The following EDC4 variants were observed in gnomAD, a reference collection of about 807,000 sequenced individuals.
The protein encoded by EDC4 is enhancer of mRNA-decapping protein 4.
EDC4 carries 64 observed loss-of-function variants against 155.8 expected under a neutral mutation model. The ratio of observed to expected loss-of-function variants is 0.41; its 90% CI spans 0.34 to 0.51. The LOEUF is 0.51. Among genes scored for constraint, EDC4 ranks in the 20% least tolerant of loss-of-function variants. The pLI is 0.19. For synonymous variants in EDC4, 684 were observed against 716.8 expected (o/e 0.95, Z 0.73); for missense variants, 1,303 against 1,812.5 (o/e 0.72, Z 5.10).
rs2058062097 is a variant in EDC4 at position 67,880,458 on chromosome 16, CCTGTCTCT to C, written c.2098-97_2098-90del. 4.7e-6 allele frequency: 7 copies of C among 1,483,536 alleles called. No homozygotes were observed. Among genetic ancestry groups the C allele is most frequent in the Non-Finnish European group, 5.5e-6 (6 of 1,091,384 alleles). 91.9% of individuals were successfully genotyped at this position (1,483,536 alleles called of 1,614,324 possible). A position where few individuals can be genotyped will look rare whatever the true frequency, so the allele number is the denominator to read the frequency against. On this transcript the variant is annotated intron_variant, in intron 17 of 28. Coordinates refer to ENST00000358933, the MANE Select transcript of EDC4 (RefSeq NM_014329.5). The surrounding 1 kb of genome is among the most constrained non-coding windows in gnomAD (Gnocchi z 5.2). ...ACCTGTATCCCCACTTCCCTGCTGC[CCTGTCTCT>C]CATTACTGCTAATACTAATGCCTCG...
chr16:67,873,506 C>T, intron 1 of EDC4, 163 bp downstream of exon 1: 1 of 516,548 alleles, frequency 1.9e-6, no homozygotes, highest in Non-Finnish European at 3.3e-6. Flanking sequence ...GCGCAGACCC[C>T]TGGGTGTGAC....
Position 67,879,022 on chromosome 16 carries a change from G to T in EDC4, c.1353G>T (p.Ser451=), listed in dbSNP as rs371978678. The part of the protein sequence containing the change: ...EEGHACFSSI[S]EFLLTHPVLS... ...GCCACGCCTGCTTCAGCTCCATCTC[G>T]GAGTTCCTGCTCACCCACCCTGTGC... is the stretch of plus-strand genomic sequence containing the variant. The change falls in exon 12 of 29, where the codon TCG becomes TCT. Residue 451 remains serine, a synonymous_variant. Coordinates refer to ENST00000358933, the MANE Select transcript of EDC4 (RefSeq NM_014329.5). The surrounding 1 kb of genome is among the most constrained non-coding windows in gnomAD (Gnocchi z 6.0). The T allele has an allele frequency of 1.9e-6, 3 of 1,612,478 alleles. No individual in the cohort carries two copies. In the South Asian group the frequency reaches 3.3e-5, roughly 18 times the overall value.
chr16:67,878,172 A>G lies in EDC4; in HGVS notation c.901A>G (p.Ser301Gly), dbSNP rs2058049757. The G allele has an allele frequency of 6.2e-7, 1 of 1,614,012 alleles. No individual in the cohort carries two copies. Among genetic ancestry groups the G allele is most frequent in the African/African-American group, 1.3e-5 (1 of 74,886 alleles). Reference protein sequence around the residue: ...IVVKGHSTCLSEGALSPDGTV... With the variant: ...IVVKGHSTCLGEGALSPDGTV... ...CTTTTTGGGTTCTTTCTAGTGCCTCAGTGAAGGAGCCCTCTCTCCTGATGG... is the reference window on the plus strand; with the variant it reads ...CTTTTTGGGTTCTTTCTAGTGCCTCGGTGAAGGAGCCCTCTCTCCTGATGG... Residue 301 changes from serine to glycine, a missense_variant, in exon 8 of 29, where the codon AGT (serine) becomes GGT (glycine). Ser to Gly is a moderately conservative substitution (Grantham distance 56, BLOSUM62 0). Coordinates refer to ENST00000358933, the MANE Select transcript of EDC4 (RefSeq NM_014329.5). The surrounding 1 kb of genome is among the most constrained non-coding windows in gnomAD (Gnocchi z 5.2).
Position 67,876,076 on chromosome 16 carries a change from A to T in EDC4, c.214A>T (p.Ile72Phe). 1 of 1,614,146 alleles carries T rather than the reference A, an allele frequency of 6.2e-7. No individual in the cohort carries two copies. Residue 72 changes from isoleucine (I) to phenylalanine (F), a missense_variant, in exon 2 of 29, where the codon ATT (isoleucine) becomes TTT (phenylalanine). By Grantham distance (21) the Ile-to-Phe change is conservative. Coordinates refer to ENST00000358933, the MANE Select transcript of EDC4 (RefSeq NM_014329.5). This position sits in a 1 kb window ranked among gnomAD's most constrained non-coding sequence, Gnocchi z 5.8. ...NKTGLRTMPP[I>F]NLQEKQVICL... ...GACTGGTCTTCGGACCATGCCACCC[A>T]TTAACCTGCAAGAGAAGCAGGTCAT...
In EDC4 at chr16:67,880,642, G is replaced by A. The variant is rs752126842; in HGVS notation, c.2183G>A (p.Arg728His). 6 of 1,614,126 alleles carry A rather than the reference G, an allele frequency of 3.7e-6. No homozygotes were observed. The highest frequency in any genetic ancestry group is 1.3e-5 in the African/African-American group (1 of 75,038). ...CCCCAAGCCTCCCCTAGCCGCACTC[G>A]TTCCCCTGATGTCATCTCCTCAGCT... is the stretch of plus-strand genomic sequence containing the variant. ...GLPQASPSRT[R>H]SPDVISSAST... Residue 728 changes from arginine to histidine, a missense_variant, in exon 18 of 29, where the codon CGT becomes CAT. Coordinates refer to ENST00000358933, the MANE Select transcript of EDC4 (RefSeq NM_014329.5). The surrounding 1 kb of genome is among the most constrained non-coding windows in gnomAD (Gnocchi z 5.2).
rs1460826705 is a variant in EDC4, at chr16:67,881,570, C to T, written c.2826+37C>T. ...AGCCCACTTTGTACTTGTGGAACTT[C>T]ACCCTGGGCGGGTGGAGAAGGGCTC... On this transcript the variant is annotated intron_variant, in intron 21 of 28. Transcript: ENST00000358933. This position sits in a 1 kb window ranked among gnomAD's most constrained non-coding sequence, Gnocchi z 5.4. The T allele has an allele frequency of 1.4e-5, 22 of 1,613,512 alleles. No homozygotes were observed. The highest frequency in any genetic ancestry group is 1.9e-5 in the Non-Finnish European group (22 of 1,179,968).
Position 67,881,577 on chromosome 16 carries a change from G to A in EDC4, c.2826+44G>A. On this transcript the variant is annotated intron_variant, in intron 21 of 28. Transcript: ENST00000358933. This position sits in a 1 kb window ranked among gnomAD's most constrained non-coding sequence, Gnocchi z 5.4. The stretch of plus-strand genomic sequence containing the variant: ...TTTGTACTTGTGGAACTTCACCCTG[G>A]GCGGGTGGAGAAGGGCTCTGGGCCA... 2 of 1,613,466 alleles carry A rather than the reference G, an allele frequency of 1.2e-6. No individual in the cohort carries two copies. Among genetic ancestry groups the A allele is most frequent in the South Asian group, 1.1e-5 (1 of 91,078 alleles).
At position 67,882,446 on chromosome 16, in the gene EDC4, C is replaced by G; in HGVS notation, c.3294C>G (p.Ile1098Met). 1 of 1,613,772 alleles carries G rather than the reference C, an allele frequency of 6.2e-7. No homozygotes were observed. Among genetic ancestry groups the G allele is most frequent in the Non-Finnish European group, 8.5e-7 (1 of 1,179,648 alleles). The change falls in exon 25 of 29, where the codon ATC (isoleucine) becomes ATG (methionine). Residue 1098 changes from isoleucine to methionine, a missense_variant. Ile to Met is a conservative substitution (Grantham distance 10). Transcript: ENST00000358933. The surrounding 1 kb of genome is among the most constrained non-coding windows in gnomAD (Gnocchi z 7.2). ...LLKSKNLTDA[I>M]ARAAADTLQG... ...AACCCCAGAACTTGACTGATGCCAT[C>G]GCCCGAGCAGCTGCAGACACATTAC...
In EDC4 at chr16:67,881,545, A is replaced by C. The variant is rs1399436495; in HGVS notation, c.2826+12A>C. 1 of 1,613,832 alleles carries C rather than the reference A, an allele frequency of 6.2e-7. No homozygotes were observed. The highest frequency in any genetic ancestry group is 2.2e-5 in the East Asian group (1 of 44,882). ...TCACAGAGCACCAGGTAAGTGAATG[A>C]GCCCACTTTGTACTTGTGGAACTTC... On this transcript the variant is annotated intron_variant, in intron 21 of 28. Transcript: ENST00000358933. The surrounding 1 kb of genome is among the most constrained non-coding windows in gnomAD (Gnocchi z 5.4).
chr16:67,879,601 C>G lies in EDC4; in HGVS notation c.1648C>G (p.Arg550Gly). The G allele has an allele frequency of 6.2e-7, 1 of 1,614,104 alleles. No homozygotes were observed. The highest frequency in any genetic ancestry group is 1.1e-5 in the South Asian group (1 of 91,084). Reference sequence around the variant, plus strand: ...TTGCCCTGCAGCATTTGGAGAGTCTCGGCCCGAACTGGGCTCTGAGGGCCT... The same window carrying G: ...TTGCCCTGCAGCATTTGGAGAGTCTGGGCCCGAACTGGGCTCTGAGGGCCT... ...AHEDFTFGESRPELGSEGLGS... is the reference protein window; with the variant it reads ...AHEDFTFGESGPELGSEGLGS... Residue 550 changes from arginine to glycine, a missense_variant, in exon 15 of 29, where the codon CGG becomes GGG. Arg to Gly is a moderately radical substitution (Grantham distance 125, BLOSUM62 -2). This residue lies in a region of EDC4 where 391 missense variants were observed against 445.4 expected (regional missense o/e 0.88). Coordinates refer to ENST00000358933, the MANE Select transcript of EDC4 (RefSeq NM_014329.5). The surrounding 1 kb of genome is among the most constrained non-coding windows in gnomAD (Gnocchi z 6.0).
Position 67,882,788 on chromosome 16 carries a change from C to G in EDC4, c.3552C>G (p.Ala1184=). ...LRGLVSTLQS[A]TEQMAATVAG... is the part of the protein sequence containing the mutation. Reference sequence around the variant, plus strand: ...GCCTGGTCAGCACACTGCAGAGTGCCACTGAGCAGATGGCAGCCACCGTGG... The same window carrying G: ...GCCTGGTCAGCACACTGCAGAGTGCGACTGAGCAGATGGCAGCCACCGTGG... Residue 1184 remains alanine, a synonymous_variant, in exon 26 of 29, where the codon GCC becomes GCG. Coordinates refer to ENST00000358933, the MANE Select transcript of EDC4 (RefSeq NM_014329.5). This position sits in a 1 kb window ranked among gnomAD's most constrained non-coding sequence, Gnocchi z 7.2. 2.5e-6 allele frequency: 4 copies of G among 1,614,194 alleles called. No homozygotes were observed. The highest frequency in any genetic ancestry group is 3.4e-6 in the Non-Finnish European group (4 of 1,180,038).
rs200924938 is a variant in EDC4, at chr16:67,882,740, G to A, written c.3504G>A (p.Glu1168=). 4.0e-5 allele frequency: 64 copies of A among 1,614,260 alleles called. 1 individual carries two copies. The highest frequency in any genetic ancestry group is 2.5e-5 in the Non-Finnish European group (30 of 1,180,046). ...AGGCACGGGAACAGGAGGCCAGGGAGCCTGTGCTAGCCCAGCTGCGGGGCC... is the reference window on the plus strand; with the variant it reads ...AGGCACGGGAACAGGAGGCCAGGGAACCTGTGCTAGCCCAGCTGCGGGGCC... ...SRKAREQEAR[E]PVLAQLRGLV... Residue 1168 remains glutamate, a synonymous_variant, in exon 26 of 29, where the codon GAG becomes GAA. Transcript: ENST00000358933. This position sits in a 1 kb window ranked among gnomAD's most constrained non-coding sequence, Gnocchi z 7.2.
rs1424224722 is a variant in EDC4, at chr16:67,880,916, C to T, written c.2457C>T (p.Ala819=). 1 of 1,614,084 alleles carries T rather than the reference C, an allele frequency of 6.2e-7. No individual in the cohort carries two copies. The highest frequency in any genetic ancestry group is 1.1e-5 in the South Asian group (1 of 91,090). The change falls in exon 18 of 29, where the codon GCC becomes GCT. Residue 819 remains alanine (A), a synonymous_variant. Coordinates refer to ENST00000358933, the MANE Select transcript of EDC4 (RefSeq NM_014329.5). The surrounding 1 kb of genome is among the most constrained non-coding windows in gnomAD (Gnocchi z 5.2). ...SLLEAALTQE[A]STPDSQVWPT... ...TGGAGGCAGCCTTGACCCAGGAGGC[C>T]TCGACTCCTGACAGTCAGGTTTGGC...
At position 67,878,591 on chromosome 16, in the gene EDC4, A is replaced by G. The variant is rs1380030280; in HGVS notation, c.1144A>G (p.Met382Val). The G allele has an allele frequency of 1.2e-6, 2 of 1,614,114 alleles. No homozygotes were observed. The highest frequency in any genetic ancestry group is 8.5e-7 in the Non-Finnish European group (1 of 1,180,020). Residue 382 changes from methionine (M) to valine (V), a missense_variant, in exon 10 of 29, where the codon ATG becomes GTG. This residue lies in a region of EDC4 where 235 missense variants were observed against 367.7 expected (regional missense o/e 0.64). Coordinates refer to ENST00000358933, the MANE Select transcript of EDC4 (RefSeq NM_014329.5). The surrounding 1 kb of genome is among the most constrained non-coding windows in gnomAD (Gnocchi z 5.2). ...TGCTGACCAGAACCGAGAGTTAAAG[A>G]TGTGGTGTACAGTATCCTGGACCTG... ...TGADQNRELK[M>V]WCTVSWTCLQ...
In EDC4 at chr16:67,883,412, T is replaced by G; in HGVS notation, c.3850-156T>G. ...CTCAGGAACCCATTTCCCAATCCCC[T>G]AGGGTAACTACACAGCCCTACAGGC... On this transcript the variant is annotated intron_variant, in intron 27 of 28. Coordinates refer to ENST00000358933, the MANE Select transcript of EDC4 (RefSeq NM_014329.5). The surrounding 1 kb of genome is among the most constrained non-coding windows in gnomAD (Gnocchi z 5.3). 7.6e-7 allele frequency: 1 copy of G among 1,322,954 alleles called. No individual in the cohort carries two copies. Among genetic ancestry groups the G allele is most frequent in the Non-Finnish European group, 1.0e-6 (1 of 963,826 alleles). 82.0% of individuals were successfully genotyped at this position (1,322,954 alleles called of 1,614,324 possible).
Position 67,878,228 on chromosome 16 carries a change from C to G in EDC4, c.957C>G (p.Gly319=), listed in dbSNP as rs780411739. 2 of 1,614,028 alleles carry G rather than the reference C, an allele frequency of 1.2e-6. No individual in the cohort carries two copies. The highest frequency in any genetic ancestry group is 1.7e-6 in the Non-Finnish European group (2 of 1,180,012). ...TGCTGGCTACTGCGAGCCACGATGG[C>G]TATGTCAAGTTCTGGCAGATCTACA... The part of the protein sequence containing the change: ...GTVLATASHD[G]YVKFWQIYIE... The change falls in exon 8 of 29, where the codon GGC becomes GGG. Residue 319 remains glycine (G), a synonymous_variant. Coordinates refer to ENST00000358933, the MANE Select transcript of EDC4 (RefSeq NM_014329.5). This position sits in a 1 kb window ranked among gnomAD's most constrained non-coding sequence, Gnocchi z 5.2.
rs1278669455 is a variant in EDC4 at position 67,873,177 on chromosome 16, G to T, written c.-85G>T. On this transcript the variant is annotated 5_prime_UTR_variant, in exon 1 of 29. Transcript: ENST00000358933. ...GTAGTGACCGGCGTCCCGCTGTCTC[G>T]CCCCGTGGCGGGTGAGCGAGGGTGC... 9 of 1,078,560 alleles carry T rather than the reference G, an allele frequency of 8.3e-6. No individual in the cohort carries two copies. Among genetic ancestry groups the T allele is most frequent in the Admixed American group, 4.2e-5 (1 of 23,754 alleles). The allele number at this position is 1,078,560 out of a possible 1,614,324, so 66.8% of individuals were successfully genotyped here. A position where few individuals can be genotyped will look rare whatever the true frequency, so the allele number is the denominator to read the frequency against.
In EDC4 at chr16:67,878,326, C is replaced by CG. The variant is rs2058050448; in HGVS notation, c.1005-34_1005-33insG. On this transcript the variant is annotated intron_variant, in intron 8 of 28. Coordinates refer to ENST00000358933, the MANE Select transcript of EDC4 (RefSeq NM_014329.5). This position sits in a 1 kb window ranked among gnomAD's most constrained non-coding sequence, Gnocchi z 5.2. ...ATCCTCCCGAGGTAGCCCACCCGACCACTCACTCAGGCCCCTCATCTGCCT... is the reference window on the plus strand; with the variant it reads ...ATCCTCCCGAGGTAGCCCACCCGACCGACTCACTCAGGCCCCTCATCTGCCT... 1 of 1,614,084 alleles carries CG rather than the reference C, an allele frequency of 6.2e-7. No homozygotes were observed. The highest frequency in any genetic ancestry group is 1.3e-5 in the African/African-American group (1 of 74,918).
At position 67,881,778 on chromosome 16, in the gene EDC4, C is replaced by G; in HGVS notation, c.2937C>G (p.Leu979=). ...EELLQRLCTQ[L]EGLQSTVTGH... is the part of the protein sequence containing the mutation. ...TGCTGCAGCGTCTGTGTACCCAACT[C>G]GAAGGCCTGCAGAGCACAGTCACAG... Residue 979 remains leucine, a synonymous_variant, in exon 22 of 29, where the codon CTC becomes CTG. Transcript: ENST00000358933. The surrounding 1 kb of genome is among the most constrained non-coding windows in gnomAD (Gnocchi z 5.4). The G allele has an allele frequency of 6.2e-7, 1 of 1,614,142 alleles. No individual in the cohort carries two copies. Among genetic ancestry groups the G allele is most frequent in the African/African-American group, 1.3e-5 (1 of 75,056 alleles).
Sources: allele counts gnomAD v4.1 joint callset, GRCh38; gene constraint gnomAD v4.1.1; regional missense constraint gnomAD v4.1.1; non-coding constraint Gnocchi (gnomAD v3.1); transcripts MANE v1.5; gene names NCBI Gene and HGNC (gene_info 2026-07-23, HGNC 2026-07-21).